Variants in HCN1 observed in about 807,000 individuals in gnomAD.
HCN1 encodes hyperpolarization activated cyclic nucleotide gated potassium channel 1.
A neutral mutation model predicts 78.9 loss-of-function variants in HCN1; 13 were observed. The observed-to-expected ratio is 0.16, with a 90% CI of 0.11 to 0.26. HCN1 has a LOEUF of 0.26. Ranked by LOEUF, HCN1 falls within the 10% of genes least tolerant of loss-of-function variation. The pLI is 1.00. For missense variants in HCN1, 810 were observed against 1,154.3 expected (o/e 0.70, Z 4.32); for synonymous variants, 552 against 455.5 (o/e 1.21, Z -2.70).
At chr5:45,496,741 T>G (rs533886090) in intron 2 of HCN1, among the ~76,000 whole-genome samples, 34 of 152,332 alleles carry the variant, frequency 2.2e-4, no homozygotes, top group African/African-American at 8.2e-4. Context: ...TCTTGCCTTC[T>G]GCTAGCTTTT....
Position 45,404,693 on chromosome 5 carries a change from CAAAAAAAAAAAA to C in HCN1, c.1012-7995_1012-7984del, listed in dbSNP as rs60728403. Among the ~76,000 whole-genome samples, 6 of 56,236 alleles carry C rather than the reference CAAAAAAAAAAAA, an allele frequency of 1.1e-4. 1 individual carries two copies. In the South Asian group the frequency reaches 2.5e-3, roughly 24 times the overall value. 36.9% of individuals were successfully genotyped at this position (56,236 alleles called of 152,430 possible). A position where few individuals can be genotyped will look rare whatever the true frequency, so the allele number is the denominator to read the frequency against. On this transcript the variant is annotated intron_variant, in intron 3 of 7. Coordinates refer to ENST00000303230, the MANE Select transcript of HCN1 (RefSeq NM_021072.4). Reference sequence around the variant, plus strand: ...GGGAGTCAGGATGAAGGGCTATTTGCAAAAAAAAAAAAAAAAAAAAAAAAAAAAGGAAAAAGA... The same window carrying C: ...GGGAGTCAGGATGAAGGGCTATTTGCAAAAAAAAAAAAAAAAGGAAAAAGA...
chr5:45,354,020 A>G (rs1195256197), intron 4 of HCN1, among the ~76,000 whole-genome samples: 1 of 151,868 alleles, frequency 6.6e-6, no homozygotes, highest in Admixed American at 6.6e-5. Flanking sequence ...TTATATTTAT[A>G]CACACATGCG....
chr5:45,674,623 AT>A (rs2112080090), intron 1 of HCN1, among the ~76,000 whole-genome samples: 1 of 151,920 alleles, frequency 6.6e-6, no homozygotes, highest in East Asian at 1.9e-4. Flanking sequence ...TATCAACTGT[AT>A]TTTTAGTCAT....
At chr5:45,456,753 T>C (rs769064504) in intron 3 of HCN1, among the ~76,000 whole-genome samples, 1 of 152,010 alleles carries the variant, frequency 6.6e-6, no homozygotes, top group Non-Finnish European at 1.5e-5. Flanking sequence ...GTTTTGTAGA[T>C]TGTGTGATTT....
At chr5:45,653,062 T>G (rs146323997) in intron 1 of HCN1, among the ~76,000 whole-genome samples, 1 of 152,156 alleles carries the variant, frequency 6.6e-6, no homozygotes, top group African/African-American at 2.4e-5. Flanking sequence ...TCCTCTTAAG[T>G]ATGTCCCAAT....
chr5:45,507,100 A>C (rs1428446632), intron 2 of HCN1, among the ~76,000 whole-genome samples: 1 of 152,198 alleles, frequency 6.6e-6, no homozygotes, highest in Non-Finnish European at 1.5e-5. Context: ...TTAGAACAGA[A>C]ATTATGTCAC....
intron 4 of HCN1, among the ~76,000 whole-genome samples, chr5:45,372,066 T>C (rs367801289): frequency 0.11 from 5,093 of 44,968 alleles, 464 homozygotes; most frequent in African/African-American, 0.31. Context: ...ATAATTATAT[T>C]ATATATTATA....
intron 1 of HCN1, among the ~76,000 whole-genome samples, chr5:45,685,352 T>C (rs968024865): frequency 6.6e-6 from 1 of 152,244 alleles, no homozygotes; most frequent in Non-Finnish European, 1.5e-5. Flanking sequence ...TTCCAAATGT[T>C]CAATACGGTA....
chr5:45,328,282 T>G (rs1488798489), intron 5 of HCN1, among the ~76,000 whole-genome samples: 1 of 151,502 alleles, frequency 6.6e-6, no homozygotes, highest in Non-Finnish European at 1.5e-5. Context: ...CACAATTTCA[T>G]GAATAGAAGA....
chr5:45,403,251 A>T (rs1203127199), intron 3 of HCN1, among the ~76,000 whole-genome samples: 2 of 152,180 alleles, frequency 1.3e-5, no homozygotes, highest in African/African-American at 4.8e-5. Context: ...TGTTGAAAGA[A>T]TTCCAAGTAG....
At chr5:45,637,036 C>A (rs894387827) in intron 2 of HCN1, among the ~76,000 whole-genome samples, 1 of 152,040 alleles carries the variant, frequency 6.6e-6, no homozygotes, top group African/African-American at 2.4e-5. Context: ...CTCATTTGAA[C>A]CTTAGATTCT....
At chr5:45,435,748 C>A (rs1019181682) in intron 3 of HCN1, among the ~76,000 whole-genome samples, 4 of 152,066 alleles carry the variant, frequency 2.6e-5, no homozygotes, top group African/African-American at 9.7e-5. Flanking sequence ...ATGACATTTT[C>A]TTCTAACGTT....
At chr5:45,392,030 T>G (rs1439065632) in intron 4 of HCN1, among the ~76,000 whole-genome samples, 1 of 152,098 alleles carries the variant, frequency 6.6e-6, no homozygotes, top group Non-Finnish European at 1.5e-5. Context: ...TTAAGGATCC[T>G]TAAGAGTTGA....
rs1175598954 is a variant in HCN1, at chr5:45,670,849, G to C, written c.425+24820C>G. 2.6e-5 allele frequency among the ~76,000 whole-genome samples: 4 copies of C among 151,632 alleles called. No homozygotes were observed. In the East Asian group the frequency reaches 5.8e-4, roughly 22 times the overall value. On this transcript the variant is annotated intron_variant, in intron 1 of 7. Transcript: ENST00000303230. ...TTAATTTATCCACAATATCATCTAA[G>C]ATCAGTTTTTACTAAAAATGTGAAG...
At chr5:45,609,544 TA>T (rs1744791859) in intron 2 of HCN1, among the ~76,000 whole-genome samples, 1 of 152,132 alleles carries the variant, frequency 6.6e-6, no homozygotes, top group Admixed American at 6.6e-5. Context: ...TAATATTCTC[TA>T]TTAGATTCTA....
rs181578584 is a variant in HCN1, at chr5:45,492,321, T to A, written c.850-30314A>T. 9.4e-3 allele frequency among the ~76,000 whole-genome samples: 1,332 copies of A among 141,936 alleles called. 8 individuals carry two copies. The highest frequency in any genetic ancestry group is 0.023 in the East Asian group (112 of 4,976). The allele number at this position is 141,936 out of a possible 152,430, so 93.1% of individuals were successfully genotyped here. A position where few individuals can be genotyped will look rare whatever the true frequency, so the allele number is the denominator to read the frequency against. On this transcript the variant is annotated intron_variant, in intron 2 of 7. Coordinates refer to ENST00000303230, the MANE Select transcript of HCN1 (RefSeq NM_021072.4). ...ATGTGTGTGTGTGTGTGTGTGTGTGTGAGAGAGAGAGGATAGGTGTGACAA... is the reference window on the plus strand; with the variant it reads ...ATGTGTGTGTGTGTGTGTGTGTGTGAGAGAGAGAGAGGATAGGTGTGACAA...
At chr5:45,412,571 G>T (rs75050976) in intron 3 of HCN1, among the ~76,000 whole-genome samples, 1 of 152,050 alleles carries the variant, frequency 6.6e-6, no homozygotes, top group South Asian at 2.1e-4. Context: ...CTTCTGAGAG[G>T]CTTGAAATTA....
chr5:45,307,550 C>T (rs1745760848), intron 5 of HCN1, among the ~76,000 whole-genome samples: 2 of 152,188 alleles, frequency 1.3e-5, no homozygotes, highest in African/African-American at 2.4e-5. Flanking sequence ...CATTCCTACA[C>T]CAAACCCATA....
Position 45,353,150 on chromosome 5 carries a change from T to C in HCN1, c.1327A>G (p.Ile443Val). The change falls in exon 5 of 8, where the codon ATC becomes GTC. Residue 443 changes from isoleucine to valine, a missense_variant. Transcript: ENST00000303230. ...DYYEHRYQGK[I>V]FDEENILNEL... Reference sequence around the variant, plus strand: ...TTGAGAATATTTTCCTCATCAAAGATTTTGCCTTGGTATCTGTGTTCATAG... The same window carrying C: ...TTGAGAATATTTTCCTCATCAAAGACTTTGCCTTGGTATCTGTGTTCATAG... 1 of 1,611,996 alleles carries C rather than the reference T, an allele frequency of 6.2e-7. No individual in the cohort carries two copies.
Sources: allele counts gnomAD v4.1 joint callset (sites outside exome capture counted in the v4.1 genomes callset), GRCh38; gene constraint gnomAD v4.1.1; transcripts MANE v1.5; gene names NCBI Gene and HGNC (gene_info 2026-07-23, HGNC 2026-07-21).